SUMF1: variants seen among roughly 807,000 people sequenced by gnomAD.
SUMF1 encodes the protein formylglycine-generating enzyme.
In SUMF1, 48 loss-of-function variants were observed where a neutral mutation model predicts 47.6. The ratio of observed to expected loss-of-function variants is 1.01; its 90% CI spans 0.80 to 1.28. SUMF1 has a LOEUF of 1.28. Among genes scored for constraint, SUMF1 ranks in the 50% most tolerant of loss-of-function variants. The pLI is 0.00. For missense variants in SUMF1, 571 were observed against 485.4 expected (o/e 1.18, Z -1.66); for synonymous variants, 230 against 192.1 (o/e 1.20, Z -1.63).
At chr3:4,071,621 A>T (rs1453563490) in intron 8 of SUMF1, among the ~76,000 whole-genome samples, 2 of 152,066 alleles carry the variant, frequency 1.3e-5, no homozygotes, top group Non-Finnish European at 2.9e-5. Context: ...TAGTGGGGGG[A>T]GGGGCATCCG....
At chr3:4,125,682 G>T (rs950271522) in intron 8 of SUMF1, among the ~76,000 whole-genome samples, 1 of 152,056 alleles carries the variant, frequency 6.6e-6, no homozygotes, top group Non-Finnish European at 1.5e-5. Flanking sequence ...ATTATTATTT[G>T]TTTATTTTTA....
At chr3:4,236,297 A>G (rs1456665206) in intron 8 of SUMF1, among the ~76,000 whole-genome samples, 1 of 152,154 alleles carries the variant, frequency 6.6e-6, no homozygotes, top group Non-Finnish European at 1.5e-5. Context: ...TCATATTCAT[A>G]TTGATAAGTT....
intron 8 of SUMF1, 106 bp from the exon 9 acceptor site, chr3:4,362,360 C>T (rs1699794635): frequency 6.7e-6 from 6 of 895,388 alleles, no homozygotes; most frequent in Middle Eastern, 2.1e-4. Flanking sequence ...TTCCCCACAA[C>T]CCTGCCTGTA....
intron 8 of SUMF1, among the ~76,000 whole-genome samples, chr3:4,198,163 C>T (rs1444058): frequency 0.39 from 59,670 of 151,480 alleles, 12,188 homozygotes; most frequent in East Asian, 0.58. Context: ...CTATTCCTTA[C>T]TCATTGGCAG....
intron 9 of SUMF1, among the ~76,000 whole-genome samples, chr3:4,048,538 TC>T (rs1291265366): frequency 6.6e-6 from 1 of 151,946 alleles, no homozygotes; most frequent in Non-Finnish European, 1.5e-5. Context: ...ACTAAATAAT[TC>T]CCCCTGTTAT....
chr3:4,281,893 C>T (rs1239598103), intron 8 of SUMF1, among the ~76,000 whole-genome samples: 3 of 152,074 alleles, frequency 2.0e-5, no homozygotes, highest in African/African-American at 7.2e-5. Context: ...TGTGAACATA[C>T]TTCCTCTTCA....
chr3:4,194,365 G>A (rs778844108), intron 8 of SUMF1, among the ~76,000 whole-genome samples: 32 of 152,090 alleles, frequency 2.1e-4, no homozygotes, highest in Non-Finnish European at 4.0e-4. Context: ...GTTCAAGTCC[G>A]CTTAATTCTA....
chr3:4,303,776 G>GA, intron 8 of SUMF1: 1 of 1,449,586 alleles, frequency 6.9e-7, no homozygotes, highest in Non-Finnish European at 9.2e-7. Context: ...GGCCTTGTGA[G>GA]AACCTGGCTT....
chr3:4,353,299 C>A (rs577261397), intron 8 of SUMF1, among the ~76,000 whole-genome samples: 2 of 152,336 alleles, frequency 1.3e-5, no homozygotes, highest in South Asian at 2.1e-4. Context: ...GTCGCCCAGG[C>A]TGGAGTACAG....
intron 8 of SUMF1, among the ~76,000 whole-genome samples, chr3:4,286,629 T>C (rs1439443281): frequency 7.9e-5 from 12 of 152,118 alleles, no homozygotes; most frequent in East Asian, 3.8e-4. Context: ...GAAAATGCAA[T>C]CATTAATGAG....
At chr3:4,407,751 T>C (rs1173775935) in intron 7 of SUMF1, among the ~76,000 whole-genome samples, 1 of 152,226 alleles carries the variant, frequency 6.6e-6, no homozygotes, top group Non-Finnish European at 1.5e-5. Flanking sequence ...ACTGTTTTCC[T>C]TAGAGATCTA....
intron 8 of SUMF1, among the ~76,000 whole-genome samples, chr3:4,354,653 G>A (rs927566127): frequency 2.0e-5 from 3 of 152,018 alleles, no homozygotes; most frequent in Non-Finnish European, 4.4e-5. Flanking sequence ...TGATATGGGG[G>A]TCAAGGTTAA....
chr3:4,093,422 C>A (rs1162154895), intron 8 of SUMF1, among the ~76,000 whole-genome samples: 1 of 151,858 alleles, frequency 6.6e-6, no homozygotes, highest in Non-Finnish European at 1.5e-5. Flanking sequence ...CATATTGTAC[C>A]AAAGCTTTGC....
intron 8 of SUMF1, among the ~76,000 whole-genome samples, chr3:4,246,562 C>T (rs990626198): frequency 4.6e-5 from 7 of 151,988 alleles, no homozygotes; most frequent in East Asian, 3.9e-4. Context: ...CCACCATGCC[C>T]GGCTAATTAT....
intron 8 of SUMF1, among the ~76,000 whole-genome samples, chr3:4,091,779 G>T (rs1478890980): frequency 6.6e-6 from 1 of 151,864 alleles, no homozygotes. Context: ...CCCTTGCATG[G>T]GACCATCATT....
intron 7 of SUMF1, among the ~76,000 whole-genome samples, chr3:4,390,489 A>G (rs986326682): frequency 1.7e-4 from 26 of 152,202 alleles, no homozygotes; most frequent in African/African-American, 6.3e-4. Flanking sequence ...TCCTTTGGCT[A>G]GAGAGAACAG....
intron 7 of SUMF1, among the ~76,000 whole-genome samples, chr3:4,408,082 A>T (rs1005011525): frequency 6.6e-6 from 1 of 152,202 alleles, no homozygotes; most frequent in East Asian, 1.9e-4. Context: ...AACCTCCACA[A>T]TTTTTCACAT....
At chr3:4,376,228 A>C in intron 8 of SUMF1, 102 bp downstream of exon 8, 1 of 1,402,030 alleles carries the variant, frequency 7.1e-7, no homozygotes, top group African/African-American at 1.4e-5. Flanking sequence ...TTAGGTAGGC[A>C]TTTGCAGAAG....
intron 1 of SUMF1, among the ~76,000 whole-genome samples, chr3:4,456,727 C>CGTGT (rs1311113739): frequency 1.6e-4 from 8 of 50,378 alleles, no homozygotes; most frequent in African/African-American, 5.1e-4. Flanking sequence ...CATATATATA[C>CGTGT]GTGTGTATAT....
Sources: allele counts gnomAD v4.1 joint callset (sites outside exome capture counted in the v4.1 genomes callset), GRCh38; gene constraint gnomAD v4.1.1; transcripts MANE v1.5; gene names NCBI Gene and HGNC (gene_info 2026-07-23, HGNC 2026-07-21).